DACH2: variants seen among roughly 807,000 people sequenced by gnomAD.
DACH2 encodes the protein dachshund family transcription factor 2.
In DACH2, 17 loss-of-function variants were observed where a neutral mutation model predicts 35.8. That is an observed-to-expected ratio of 0.48 (90% confidence interval 0.33 to 0.71). DACH2 has a LOEUF of 0.71. Among genes scored for constraint, DACH2 ranks in the 30% least tolerant of loss-of-function variants. The pLI, the probability that DACH2 is intolerant of heterozygous loss-of-function variation, is 0.02. For synonymous variants in DACH2, 195 were observed against 177.3 expected (o/e 1.10, Z -0.79); for missense variants, 469 against 472.7 (o/e 0.99, Z 0.07).
chrX:86,225,474 A>G (rs1382234582), intron 1 of DACH2, among the ~76,000 whole-genome samples: 1 of 111,284 alleles, frequency 9.0e-6, no homozygotes, highest in East Asian at 2.8e-4. Flanking sequence ...TTTTTTGCAT[A>G]AAGTGTCTCA....
At chrX:86,495,912 C>T (rs2038163434) in intron 2 of DACH2, among the ~76,000 whole-genome samples, 1 of 111,018 alleles carries the variant, frequency 9.0e-6, no homozygotes, top group African/African-American at 3.3e-5. Context: ...ACAATAGTAC[C>T]TAAGATGTTA....
At chrX:86,498,338 A>G (rs770430142) in intron 2 of DACH2, among the ~76,000 whole-genome samples, 1 of 112,516 alleles carries the variant, frequency 8.9e-6, no homozygotes, top group Non-Finnish European at 1.9e-5. Context: ...ATTCTTTTAT[A>G]CATAAATCCA....
chrX:86,605,565 G>C (rs2039846398), intron 3 of DACH2, among the ~76,000 whole-genome samples: 1 of 110,444 alleles, frequency 9.1e-6, no homozygotes, highest in Non-Finnish European at 1.9e-5. Context: ...ATTTGTTTTA[G>C]TCTTCATTTT....
At chrX:86,354,157 AG>A (rs1398629198) in intron 1 of DACH2, among the ~76,000 whole-genome samples, 1 of 18,747 alleles carries the variant, frequency 5.3e-5, no homozygotes. Flanking sequence ...ATCATTAAAA[AG>A]TCAGGAAACA....
chrX:86,196,991 A>T (rs953221172), intron 1 of DACH2, among the ~76,000 whole-genome samples: 2 of 111,376 alleles, frequency 1.8e-5, no homozygotes, highest in African/African-American at 3.3e-5. Flanking sequence ...GAAAGAAAAA[A>T]TGTTAAAGGC....
chrX:86,307,603 G>C (rs1294617477), intron 1 of DACH2, among the ~76,000 whole-genome samples: 1 of 111,216 alleles, frequency 9.0e-6, no homozygotes, highest in African/African-American at 3.3e-5. Flanking sequence ...CACTGCCTGA[G>C]GTAACAGTGA....
chrX:86,398,796 T>A (rs1270264844), intron 2 of DACH2, among the ~76,000 whole-genome samples: 2 of 111,547 alleles, frequency 1.8e-5, no homozygotes, highest in Middle Eastern at 4.6e-3. Flanking sequence ...TGCTGAGGAG[T>A]GCTTTACTTC....
At chrX:86,609,922 A>T (rs7061115) in intron 3 of DACH2, among the ~76,000 whole-genome samples, 10,305 of 111,289 alleles carry the variant, frequency 0.093, 450 homozygotes, top group East Asian at 0.29. Context: ...AAGCCAGCAC[A>T]GCATTGTGTC....
At chrX:86,469,611 A>C (rs1202455077) in intron 2 of DACH2, among the ~76,000 whole-genome samples, 2 of 111,301 alleles carry the variant, frequency 1.8e-5, no homozygotes, top group Non-Finnish European at 3.8e-5. Flanking sequence ...GATAAGTATT[A>C]GTAGTTACAT....
In DACH2 at chrX:86,747,283, CAGCAGTATTA is replaced by C. The variant is rs1352586116; in HGVS notation, c.1240+7414_1240+7423del. ...ATACATTTGCCGAGTATTGCCATAT[CAGCAGTATTA>C]AGCAGTATTAAGTATTTTGAACCAT... On this transcript the variant is annotated intron_variant, in intron 7 of 11. Coordinates refer to ENST00000373125, the MANE Select transcript of DACH2 (RefSeq NM_053281.3). Among the ~76,000 whole-genome samples the C allele has an allele frequency of 2.7e-5, 3 of 111,530 alleles. No homozygotes were observed. The East Asian group carries it at 8.5e-4, about 32-fold the overall frequency.
At chrX:86,819,304 T>A (rs1028812532) in intron 11 of DACH2, among the ~76,000 whole-genome samples, 3 of 110,678 alleles carry the variant, frequency 2.7e-5, no homozygotes, top group African/African-American at 9.8e-5. Context: ...GGAGCACTTG[T>A]GCTAATGTCA....
intron 1 of DACH2, among the ~76,000 whole-genome samples, chrX:86,340,304 C>T (rs2035391170): frequency 9.0e-6 from 1 of 111,488 alleles, no homozygotes; most frequent in Admixed American, 9.6e-5. Context: ...TGGTAATTCT[C>T]ACAAGTATGC....
rs181897056 is a variant in DACH2, at chrX:86,472,893, C to A, written c.528-41386C>A. Among the ~76,000 whole-genome samples the A allele has an allele frequency of 9.0e-4, 100 of 111,725 alleles. 2 individuals carry two copies. The Admixed American group carries it at 9.5e-3, about 11-fold the overall frequency. On this transcript the variant is annotated intron_variant, in intron 2 of 11. Transcript: ENST00000373125. ...TGAACCTAATAACCCATGAGAGATT[C>A]TTTTGTTCAGAAGCAAATTAAAATT... is the stretch of plus-strand genomic sequence containing the variant.
At chrX:86,150,198 A>C (rs2147854069) in intron 1 of DACH2, among the ~76,000 whole-genome samples, 1 of 112,550 alleles carries the variant, frequency 8.9e-6, no homozygotes, top group Admixed American at 9.4e-5. Flanking sequence ...CCAGTTTGGT[A>C]ACATCTCAGG....
chrX:86,172,228 A>T (rs1465158530), intron 1 of DACH2, among the ~76,000 whole-genome samples: 1 of 112,056 alleles, frequency 8.9e-6, no homozygotes, highest in Non-Finnish European at 1.9e-5. Context: ...TGATCCTTAG[A>T]AGTGTCTGTT....
intron 1 of DACH2, among the ~76,000 whole-genome samples, chrX:86,367,508 C>T (rs1029094967): frequency 9.0e-6 from 1 of 111,646 alleles, no homozygotes; most frequent in African/African-American, 3.3e-5. Context: ...ATGTAATCTA[C>T]CTATATTGTA....
At chrX:86,640,286 G>A (rs1298332854) in intron 3 of DACH2, among the ~76,000 whole-genome samples, 1 of 111,023 alleles carries the variant, frequency 9.0e-6, no homozygotes, top group Non-Finnish European at 1.9e-5. Flanking sequence ...CCTCTGCTGT[G>A]GAACTGTCCT....
intron 1 of DACH2, among the ~76,000 whole-genome samples, chrX:86,290,165 A>T (rs1402349231): frequency 1.2e-5 from 1 of 83,830 alleles, no homozygotes; most frequent in Non-Finnish European, 2.3e-5. Context: ...CATTTCTCTG[A>T]TGGCCAGTGA....
intron 2 of DACH2, chrX:86,481,183 G>A (rs1298281253): frequency 3.6e-5 from 4 of 111,743 alleles, no homozygotes; most frequent in African/African-American, 1.3e-4. Flanking sequence ...GTCTCCTCAG[G>A]TCAAATATTT....
Sources: gnomAD v4.1 joint callset for allele counts (sites outside exome capture counted in the v4.1 genomes callset) on GRCh38, gnomAD v4.1.1 for gene constraint, MANE v1.5 for transcripts, NCBI Gene and HGNC (gene_info 2026-07-23, HGNC 2026-07-21) for gene names.